Variants in NR1I2 observed in about 807,000 individuals in gnomAD.
The protein encoded by NR1I2 is nuclear receptor subfamily 1 group I member 2.
In NR1I2, 42 loss-of-function variants were observed where a neutral mutation model predicts 43.3. The ratio of observed to expected loss-of-function variants is 0.97; its 90% confidence interval spans 0.76 to 1.26. NR1I2 has a LOEUF of 1.26. Ranked by LOEUF, NR1I2 falls within the 50% of genes most tolerant of loss-of-function variation. NR1I2 has a pLI of 0.00. For synonymous variants in NR1I2, 229 were observed against 215.0 expected (o/e 1.06, Z -0.57); for missense variants, 559 against 566.7 (o/e 0.99, Z 0.14).
At chr3:119,782,560 C>G in intron 1 of NR1I2, 1 of 579,696 alleles carries the variant, frequency 1.7e-6, no homozygotes, top group East Asian at 2.9e-5. Context: ...CAGGAGAAGC[C>G]TTAACTACTG....
In NR1I2 at chr3:119,817,087, A is replaced by G. The variant is rs1222448541; in HGVS notation, c.1180A>G (p.Met394Val). ...ATGCAGGTTCTTGTTCCTGAAGATC[A>G]TGGCTATGCTCACCGAGCTCCGCAG... The change falls in exon 9 of 9, where the codon ATG becomes GTG. Residue 394 changes from methionine (M) to valine (V), a missense_variant. Around this residue, in one of 3 missense-constraint regions of NR1I2, gnomAD observed 323 missense variants for 312.2 expected, o/e 1.03. Transcript: ENST00000393716. 6.2e-7 allele frequency: 1 copy of G among 1,614,162 alleles called. No homozygotes were observed. The highest frequency in any genetic ancestry group is 8.5e-7 in the Non-Finnish European group (1 of 1,180,018).
At chr3:119,806,180 T>G (rs2055158066) in intron 1 of NR1I2, among the ~76,000 whole-genome samples, 1 of 152,182 alleles carries the variant, frequency 6.6e-6, no homozygotes, top group African/African-American at 2.4e-5. Context: ...AACAGGACAA[T>G]CCCCCATTTC....
Position 119,817,222 on chromosome 3 carries a change from C to T in NR1I2, c.*10C>T, listed in dbSNP as rs114275769. 801 of 1,613,564 alleles carry T rather than the reference C, an allele frequency of 5.0e-4. 2 individuals carry two copies. The African/African-American group carries it at 8.4e-3, about 17-fold the overall frequency. ...CATCACAGGTAGCTGAGCGGCTGCC[C>T]TTGGGTGACACCTCCGAGAGGCAGC... On this transcript the variant is annotated 3_prime_UTR_variant, in exon 9 of 9. Coordinates refer to ENST00000393716, the MANE Select transcript of NR1I2 (RefSeq NM_003889.4).
At chr3:119,811,277 G>A in intron 3 of NR1I2, 1 of 407,124 alleles carries the variant, frequency 2.5e-6, no homozygotes, top group Non-Finnish European at 4.4e-6. Flanking sequence ...CCGTGCTCTT[G>A]CCAGGGCCCC....
chr3:119,789,376 G>A (rs2054887069), intron 1 of NR1I2, among the ~76,000 whole-genome samples: 1 of 152,180 alleles, frequency 6.6e-6, no homozygotes, highest in South Asian at 2.1e-4. Flanking sequence ...TGGCTGGGGA[G>A]GCCTCACAAA....
At chr3:119,812,174 A>G (rs2055253220) in intron 4 of NR1I2, among the ~76,000 whole-genome samples, 1 of 152,016 alleles carries the variant, frequency 6.6e-6, no homozygotes, top group African/African-American at 2.4e-5. Context: ...TGGGGGTGTG[A>G]CTTTTGTGAA....
Position 119,815,249 on chromosome 3 carries a change from G to A in NR1I2, c.938-74G>A. The A allele has an allele frequency of 5.1e-6, 8 of 1,569,500 alleles. No homozygotes were observed. In the South Asian group the frequency reaches 8.9e-5, roughly 17 times the overall value. On this transcript the variant is annotated intron_variant, in intron 6 of 8. Transcript: ENST00000393716. The stretch of plus-strand genomic sequence containing the variant: ...AGGAAGATGGAATGGTGGAAAACAA[G>A]ATATTGGTGAGGGATGATTAGATCT...
intron 2 of NR1I2, 108 bp from the exon 3 acceptor site, chr3:119,809,953 C>T (rs562386633): frequency 2.1e-6 from 3 of 1,439,352 alleles, no homozygotes; most frequent in Admixed American, 3.6e-5. Context: ...CTAGTGTCCC[C>T]CTCCCCGAGT....
chr3:119,782,255 T>C lies in NR1I2; in HGVS notation c.-68T>C, dbSNP rs1169947685. On this transcript the variant is annotated 5_prime_UTR_variant, in exon 1 of 9. Coordinates refer to ENST00000393716, the MANE Select transcript of NR1I2 (RefSeq NM_003889.4). Reference sequence around the variant, plus strand: ...ATCCTTTGCACCGGATTGTTCAAAGTGGACCCCAGGGGAGAAGTCGGAGCA... The same window carrying C: ...ATCCTTTGCACCGGATTGTTCAAAGCGGACCCCAGGGGAGAAGTCGGAGCA... 1 of 164,148 alleles carries C rather than the reference T, an allele frequency of 6.1e-6. No individual in the cohort carries two copies. The highest frequency in any genetic ancestry group is 1.3e-5 in the Non-Finnish European group (1 of 74,376). The allele number at this position is 164,148 out of a possible 1,614,324, so 10.2% of individuals were successfully genotyped here.
chr3:119,805,407 C>T (rs1428814922), intron 1 of NR1I2, among the ~76,000 whole-genome samples: 1 of 152,110 alleles, frequency 6.6e-6, no homozygotes, highest in Non-Finnish European at 1.5e-5. Flanking sequence ...AGGAGGATTT[C>T]TGGCCAGACG....
chr3:119,805,246 T>C (rs1490896769), intron 1 of NR1I2, among the ~76,000 whole-genome samples: 1 of 152,228 alleles, frequency 6.6e-6, no homozygotes, highest in Non-Finnish European at 1.5e-5. Context: ...TTTTTTTGGT[T>C]TGTTTTGTTT....
chr3:119,784,017 A>G (rs1258970651), intron 1 of NR1I2, among the ~76,000 whole-genome samples: 1 of 152,234 alleles, frequency 6.6e-6, no homozygotes, highest in Non-Finnish European at 1.5e-5. Context: ...CAGTCTTACC[A>G]ATGAACCTCA....
intron 1 of NR1I2, among the ~76,000 whole-genome samples, chr3:119,789,928 T>C (rs114516194): frequency 2.4e-3 from 369 of 152,324 alleles, no homozygotes; most frequent in African/African-American, 8.5e-3. Flanking sequence ...ATTGAAAAAT[T>C]AATTAGTTCT....
intron 1 of NR1I2, among the ~76,000 whole-genome samples, chr3:119,799,556 G>A (rs894473736): frequency 6.6e-6 from 1 of 151,910 alleles, no homozygotes; most frequent in Non-Finnish European, 1.5e-5. Flanking sequence ...CAACTTTTTT[G>A]TGCCATATTT....
chr3:119,796,703 C>T (rs2055004519), intron 1 of NR1I2, among the ~76,000 whole-genome samples: 1 of 152,244 alleles, frequency 6.6e-6, no homozygotes, highest in African/African-American at 2.4e-5. Context: ...GGCATGCTCT[C>T]CTGGGGGCTC....
intron 1 of NR1I2, chr3:119,782,986 G>T: frequency 1.3e-6 from 1 of 764,836 alleles, no homozygotes; most frequent in South Asian, 1.5e-5. Flanking sequence ...ATGGCCAGAG[G>T]CACTGCTTTA....
At chr3:119,809,191 T>C (rs1441080334) in intron 2 of NR1I2, among the ~76,000 whole-genome samples, 2 of 152,226 alleles carry the variant, frequency 1.3e-5, no homozygotes, top group East Asian at 3.9e-4. Flanking sequence ...AGATTGTTTC[T>C]TTCCATCCAG....
rs1421867654 is a variant in NR1I2, at chr3:119,782,670, G to A, written c.-23+370G>A. The A allele has an allele frequency of 1.3e-5, 12 of 940,974 alleles. No homozygotes were observed. In the Admixed American group the frequency reaches 1.6e-4, roughly 13 times the overall value. 58.3% of individuals were successfully genotyped at this position (940,974 alleles called of 1,614,324 possible). On this transcript the variant is annotated intron_variant, in intron 1 of 8. Coordinates refer to ENST00000393716, the MANE Select transcript of NR1I2 (RefSeq NM_003889.4). ...ACCTCCAAGGACTGTGGGAGCTGGGGACTATGGGAACTGGGATCAACTCAG... is the reference window on the plus strand; with the variant it reads ...ACCTCCAAGGACTGTGGGAGCTGGGAACTATGGGAACTGGGATCAACTCAG...
intron 3 of NR1I2, 116 bp downstream of exon 3, chr3:119,810,310 A>T: frequency 6.9e-7 from 1 of 1,443,548 alleles, no homozygotes; most frequent in Non-Finnish European, 9.3e-7. Context: ...GCGTGAACAC[A>T]CGTGCACATG....
Sources: allele counts gnomAD v4.1 joint callset (sites outside exome capture counted in the v4.1 genomes callset), GRCh38; gene constraint gnomAD v4.1.1; regional missense constraint gnomAD v4.1.1; transcripts MANE v1.5; gene names NCBI Gene and HGNC (gene_info 2026-07-23, HGNC 2026-07-21).